Variants in FAT3 observed in about 807,000 individuals in gnomAD.
FAT3 encodes protocadherin Fat 3.
In FAT3, 95 loss-of-function variants were observed where a neutral mutation model predicts 310.2. The observed-to-expected ratio is 0.31, with a 90% confidence interval of 0.26 to 0.36. FAT3 has a LOEUF of 0.36. FAT3 is among the 10% of genes least tolerant of loss of function. The pLI is 1.00. For synonymous variants in FAT3, 2,314 were observed against 2,192.9 expected, an observed-to-expected ratio of 1.06 and a Z score of -1.54; for missense variants, 5,408 against 5,715.6, an observed-to-expected ratio of 0.95 and a Z score of 1.74.
intron 2 of FAT3, chr11:92,400,303 C>T (rs960066678): frequency 2.6e-5 from 4 of 152,222 alleles, no homozygotes; most frequent in South Asian, 2.1e-4. Flanking sequence ...TAGCTGAGAG[C>T]CATTTTCTTT....
chr11:92,417,121 C>T (rs1465922991), intron 2 of FAT3, among the ~76,000 whole-genome samples: 4 of 152,184 alleles, frequency 2.6e-5, no homozygotes, highest in African/African-American at 4.8e-5. Context: ...ACTGTTTTTG[C>T]ATAACCTGCT....
chr11:92,611,045 T>C (rs1940538236), intron 3 of FAT3, among the ~76,000 whole-genome samples: 1 of 152,192 alleles, frequency 6.6e-6, no homozygotes, highest in Non-Finnish European at 1.5e-5. Context: ...GTCTCTGATC[T>C]TCAAAAACAT....
chr11:92,772,512 C>G (rs975884240), intron 6 of FAT3, among the ~76,000 whole-genome samples: 21 of 152,126 alleles, frequency 1.4e-4, no homozygotes, highest in Middle Eastern at 3.4e-3. Context: ...TAGACTCCCC[C>G]CTCTCTCCTT....
intron 2 of FAT3, among the ~76,000 whole-genome samples, chr11:92,395,153 A>G (rs1424943715): frequency 6.6e-6 from 1 of 152,158 alleles, no homozygotes; most frequent in African/African-American, 2.4e-5. Context: ...TTTTCCTCCA[A>G]TTTTTCCAGA....
At chr11:92,425,033 G>A (rs140043755) in intron 2 of FAT3, among the ~76,000 whole-genome samples, 1 of 152,062 alleles carries the variant, frequency 6.6e-6, no homozygotes, top group African/African-American at 2.4e-5. Context: ...CTTTATAAAT[G>A]TTATGTTTAT....
At chr11:92,614,423 A>G (rs1940707072) in intron 3 of FAT3, among the ~76,000 whole-genome samples, 2 of 152,076 alleles carry the variant, frequency 1.3e-5, no homozygotes, top group Admixed American at 6.5e-5. Context: ...TTATCTGTTT[A>G]TTTTGATTCT....
intron 2 of FAT3, among the ~76,000 whole-genome samples, chr11:92,441,105 G>A (rs1473946507): frequency 6.6e-6 from 1 of 152,188 alleles, no homozygotes; most frequent in Non-Finnish European, 1.5e-5. Context: ...TAAATATAAT[G>A]CTGATTTAAA....
intron 11 of FAT3, among the ~76,000 whole-genome samples, chr11:92,805,744 G>T (rs1947490160): frequency 6.6e-6 from 1 of 152,152 alleles, no homozygotes; most frequent in South Asian, 2.1e-4. Flanking sequence ...CAATGTTGGT[G>T]CTGAACACTG....
intron 2 of FAT3, among the ~76,000 whole-genome samples, chr11:92,454,996 C>A (rs1309548520): frequency 6.6e-6 from 1 of 152,034 alleles, no homozygotes; most frequent in Non-Finnish European, 1.5e-5. Flanking sequence ...ATATTCAATG[C>A]CAGAGCCCAT....
At chr11:92,336,098 G>A (rs1948066444) in intron 1 of FAT3, 1 of 519,696 alleles carries the variant, frequency 1.9e-6, no homozygotes, top group Admixed American at 2.2e-5. Context: ...TGATGGGAAG[G>A]TCTTTGGCCT....
intron 1 of FAT3, among the ~76,000 whole-genome samples, chr11:92,255,552 C>T (rs1295641663): frequency 6.6e-6 from 1 of 151,914 alleles, no homozygotes; most frequent in Non-Finnish European, 1.5e-5. Flanking sequence ...TGGAGAGGAG[C>T]CATTATGGGC....
At chr11:92,773,366 A>G (rs1252411480) in intron 6 of FAT3, among the ~76,000 whole-genome samples, 2 of 152,172 alleles carry the variant, frequency 1.3e-5, no homozygotes, top group Non-Finnish European at 2.9e-5. Context: ...GTTTTCTTCT[A>G]CTTCTTTCCC....
At chr11:92,722,207 G>A (rs1049766578) in intron 4 of FAT3, among the ~76,000 whole-genome samples, 19 of 151,620 alleles carry the variant, frequency 1.3e-4, no homozygotes, top group African/African-American at 4.4e-4. Context: ...AGATATAATG[G>A]CAGTATACCC....
chr11:92,419,909 C>A (rs934814407), intron 2 of FAT3, among the ~76,000 whole-genome samples: 1 of 152,120 alleles, frequency 6.6e-6, no homozygotes, highest in African/African-American at 2.4e-5. Context: ...AACCTTTTAA[C>A]CTCTTAGTGT....
rs115894500 is a variant in FAT3 at position 92,876,518 on chromosome 11, G to T, written c.12128-4213G>T. Among the ~76,000 whole-genome samples, 1,298 of 152,252 alleles carry T rather than the reference G, an allele frequency of 8.5e-3. 21 individuals carry two copies. The highest frequency in any genetic ancestry group is 0.029 in the African/African-American group (1,222 of 41,536). ...GGCATCAACAATGGCCTTTCCTTAG[G>T]AGCTCCTTGGTCTTTCCTTGGCTTT... On this transcript the variant is annotated intron_variant, in intron 22 of 27. Coordinates refer to ENST00000525166, the MANE Select transcript of FAT3 (RefSeq NM_001367949.2).
chr11:92,281,260 C>T (rs974536512), intron 1 of FAT3, among the ~76,000 whole-genome samples: 1 of 152,062 alleles, frequency 6.6e-6, no homozygotes, highest in African/African-American at 2.4e-5. Flanking sequence ...TGCAAAAGCT[C>T]ACTGGAAGGA....
At chr11:92,286,834 CA>C (rs1166883969) in intron 1 of FAT3, among the ~76,000 whole-genome samples, 1 of 152,140 alleles carries the variant, frequency 6.6e-6, no homozygotes, top group Non-Finnish European at 1.5e-5. Context: ...TTCAATGCAT[CA>C]AACTGACTTC....
Position 92,354,945 on chromosome 11 carries a change from G to T in FAT3, c.2833G>T (p.Val945Phe). ...CATTCCCAGTAGCTATAGTGTGAAG[G>T]TTCTTGAAGATCTCCCTGTTGGCAC... ...AFIPSSYSVK[V>F]LEDLPVGTVI... The change falls in exon 2 of 28, where the codon GTT (valine) becomes TTT (phenylalanine). Residue 945 changes from valine (V) to phenylalanine (F), a missense_variant. Val to Phe is a conservative substitution (Grantham distance 50). This residue lies in a region of FAT3 where 4,588 missense variants were observed against 4,809.8 expected (regional missense o/e 0.95). Coordinates refer to ENST00000525166, the MANE Select transcript of FAT3 (RefSeq NM_001367949.2). 1 of 1,613,876 alleles carries T rather than the reference G, an allele frequency of 6.2e-7. No homozygotes were observed. The highest frequency in any genetic ancestry group is 8.5e-7 in the Non-Finnish European group (1 of 1,179,872).
At chr11:92,294,413 C>T (rs921418634) in intron 1 of FAT3, among the ~76,000 whole-genome samples, 3 of 152,046 alleles carry the variant, frequency 2.0e-5, no homozygotes, top group Non-Finnish European at 2.9e-5. Flanking sequence ...GTCCAACAAA[C>T]ACTGCTAGGT....
Sources: gnomAD v4.1 joint callset for allele counts (sites outside exome capture counted in the v4.1 genomes callset) on GRCh38, gnomAD v4.1.1 for gene constraint, gnomAD v4.1.1 regional missense constraint, MANE v1.5 for transcripts, NCBI Gene and HGNC (gene_info 2026-07-23, HGNC 2026-07-21) for gene names.